SLIT2: variants seen among roughly 807,000 people sequenced by gnomAD.
SLIT2 encodes the protein slit guidance ligand 2.
SLIT2 carries 41 observed loss-of-function variants against 185.7 expected under a neutral mutation model. That is an observed-to-expected ratio of 0.22 (90% CI 0.17 to 0.29). The LOEUF (loss-of-function observed/expected upper bound fraction) is 0.29. Ranked by LOEUF, SLIT2 falls within the 10% of genes least tolerant of loss-of-function variation. SLIT2 has a pLI of 1.00. For synonymous variants in SLIT2, 693 were observed against 680.2 expected, an observed-to-expected ratio of 1.02 and a Z score of -0.29; for missense variants, 1,571 against 1,909.0, an observed-to-expected ratio of 0.82 and a Z score of 3.30.
intron 4 of SLIT2, among the ~76,000 whole-genome samples, chr4:20,353,935 G>A (rs371980251): frequency 1.5e-4 from 23 of 152,184 alleles, no homozygotes; most frequent in African/African-American, 5.3e-4. Context: ...ACATTGGAAA[G>A]AGATGGGATC....
chr4:20,373,824 T>C (rs1304595595), intron 4 of SLIT2, among the ~76,000 whole-genome samples: 3 of 152,020 alleles, frequency 2.0e-5, no homozygotes, highest in African/African-American at 4.8e-5. Context: ...GTGTAGCACA[T>C]GGAAGAGGCA....
intron 4 of SLIT2, among the ~76,000 whole-genome samples, chr4:20,321,731 C>T (rs1719105104): frequency 6.6e-6 from 1 of 152,194 alleles, no homozygotes. Flanking sequence ...ACCTTACCGC[C>T]TCATGCCCAG....
At chr4:20,350,275 C>T (rs924917416) in intron 4 of SLIT2, among the ~76,000 whole-genome samples, 2 of 151,384 alleles carry the variant, frequency 1.3e-5, no homozygotes, top group East Asian at 1.9e-4. Context: ...TCAGTGATTA[C>T]GCTTTTCTCC....
intron 4 of SLIT2, among the ~76,000 whole-genome samples, chr4:20,418,012 G>A (rs1410876355): frequency 3.9e-5 from 6 of 152,120 alleles, no homozygotes; most frequent in African/African-American, 1.2e-4. Context: ...ATGATCTTAA[G>A]GGGTTGTCCT....
At chr4:20,491,200 T>A (rs1217842795) in intron 8 of SLIT2, among the ~76,000 whole-genome samples, 2 of 152,214 alleles carry the variant, frequency 1.3e-5, no homozygotes, top group Non-Finnish European at 2.9e-5. Flanking sequence ...TTATTATGAT[T>A]TCAGATAAAT....
chr4:20,531,937 C>G (rs1721846129), intron 16 of SLIT2, 47 bp from the exon 17 acceptor site: 2 of 1,007,390 alleles, frequency 2.0e-6, no homozygotes, highest in Non-Finnish European at 3.0e-6. Flanking sequence ...TTAATCCTTT[C>G]CTAACTATTG....
intron 4 of SLIT2, among the ~76,000 whole-genome samples, chr4:20,392,524 A>G (rs1353333521): frequency 6.6e-6 from 1 of 152,124 alleles, no homozygotes; most frequent in African/African-American, 2.4e-5. Context: ...ATTTTTCTGC[A>G]ATAATAAATT....
chr4:20,336,582 A>T (rs1372285344), intron 4 of SLIT2, among the ~76,000 whole-genome samples: 2 of 152,232 alleles, frequency 1.3e-5, no homozygotes, highest in African/African-American at 4.8e-5. Flanking sequence ...CCTAATGTAG[A>T]TGATGAGTTA....
chr4:20,472,437 G>T (rs1313564290), intron 5 of SLIT2, among the ~76,000 whole-genome samples: 11 of 38,448 alleles, frequency 2.9e-4, no homozygotes, highest in South Asian at 8.1e-4. Flanking sequence ...GATATCTATA[G>T]ATATATATCT....
chr4:20,523,866 A>C lies in SLIT2; in HGVS notation c.1237A>C (p.Lys413Gln). 1 of 1,614,152 alleles carries C rather than the reference A, an allele frequency of 6.2e-7. No individual in the cohort carries two copies. The highest frequency in any genetic ancestry group is 2.2e-5 in the East Asian group (1 of 44,874). The change falls in exon 13 of 37, where the codon AAG (lysine) becomes CAG (glutamine). Residue 413 changes from lysine (K) to glutamine (Q), a missense_variant. By Grantham distance (53) the Lys-to-Gln change is moderately conservative (BLOSUM62 1). Transcript: ENST00000504154. ...TGACAACAAGCTTCAGACCATCGCCAAGGGGACCTTTTCACCTCTTCGGGC... is the reference window on the plus strand; with the variant it reads ...TGACAACAAGCTTCAGACCATCGCCCAGGGGACCTTTTCACCTCTTCGGGC... ...LYDNKLQTIAKGTFSPLRAIQ... is the reference protein window; with the variant it reads ...LYDNKLQTIAQGTFSPLRAIQ...
Position 20,528,508 on chromosome 4 carries a change from C to A in SLIT2, c.1463-441C>A, listed in dbSNP as rs1721500106. ...TGAGAGGGAGAGAATAGTAAAAAGT[C>A]CATAGAAAATTTAAAAGCCTGAGTA... On this transcript the variant is annotated intron_variant, in intron 15 of 36. Transcript: ENST00000504154. The surrounding 1 kb of genome is among the most constrained non-coding windows in gnomAD (Gnocchi z 4.2). 1 of 356,964 alleles carries A rather than the reference C, an allele frequency of 2.8e-6. No individual in the cohort carries two copies. The highest frequency in any genetic ancestry group is 5.5e-6 in the Non-Finnish European group (1 of 181,366). 22.1% of individuals were successfully genotyped at this position (356,964 alleles called of 1,614,324 possible). A position where few individuals can be genotyped will look rare whatever the true frequency, so the allele number is the denominator to read the frequency against.
At chr4:20,419,695 G>GTGTT (rs1553898845) in intron 4 of SLIT2, among the ~76,000 whole-genome samples, 63 of 151,722 alleles carry the variant, frequency 4.2e-4, no homozygotes, top group African/African-American at 1.4e-3. Context: ...GTGTGTGTGT[G>GTGTT]TGTGTGTGTG....
chr4:20,282,317 T>C (rs1714853087), intron 4 of SLIT2, among the ~76,000 whole-genome samples: 1 of 152,210 alleles, frequency 6.6e-6, no homozygotes, highest in South Asian at 2.1e-4. Context: ...AAGAACACTA[T>C]TCAAGTGTGG....
At position 20,619,269 on chromosome 4, in the gene SLIT2, A is replaced by G; in HGVS notation, c.*260A>G. The G allele has an allele frequency of 3.2e-6, 1 of 316,506 alleles. No homozygotes were observed. Among genetic ancestry groups the G allele is most frequent in the Non-Finnish European group, 5.9e-6 (1 of 170,074 alleles). The allele number at this position is 316,506 out of a possible 1,614,324, so 19.6% of individuals were successfully genotyped here. On this transcript the variant is annotated 3_prime_UTR_variant, in exon 37 of 37. Coordinates refer to ENST00000504154, the MANE Select transcript of SLIT2 (RefSeq NM_004787.4). ...TTAGAACAGCGATGGGAACCATTGC[A>G]ACTCGGGTCCATCTTTGTAACATGC...
intron 4 of SLIT2, among the ~76,000 whole-genome samples, chr4:20,294,317 C>T (rs1716259885): frequency 6.6e-6 from 1 of 151,464 alleles, no homozygotes; most frequent in African/African-American, 2.4e-5. Flanking sequence ...CCACTGCACT[C>T]CATCCTGGAT....
chr4:20,258,991 A>G (rs989759213), intron 3 of SLIT2, among the ~76,000 whole-genome samples: 1 of 151,726 alleles, frequency 6.6e-6, no homozygotes, highest in Admixed American at 6.6e-5. Flanking sequence ...CCCTTCCAAG[A>G]TATTTATAAA....
chr4:20,525,319 T>C (rs1420986259), intron 15 of SLIT2, 147 bp downstream of exon 15: 1 of 579,160 alleles, frequency 1.7e-6, no homozygotes, highest in Non-Finnish European at 3.1e-6. Flanking sequence ...CTTGTAGCTG[T>C]TTCCTGAAAT....
intron 4 of SLIT2, among the ~76,000 whole-genome samples, chr4:20,436,157 T>G (rs919986124): frequency 6.6e-6 from 1 of 152,212 alleles, no homozygotes; most frequent in African/African-American, 2.4e-5. Context: ...TTAAGTAGAT[T>G]ATCAGAAACA....
chr4:20,561,138 G>T (rs567977381), intron 26 of SLIT2, among the ~76,000 whole-genome samples: 5 of 151,784 alleles, frequency 3.3e-5, no homozygotes, highest in Non-Finnish European at 7.4e-5. Flanking sequence ...GGCCCAAAAG[G>T]GGAGGGGTCT....
Sources: allele counts gnomAD v4.1 joint callset (sites outside exome capture counted in the v4.1 genomes callset), GRCh38; gene constraint gnomAD v4.1.1; non-coding constraint Gnocchi (gnomAD v3.1); transcripts MANE v1.5; gene names NCBI Gene and HGNC (gene_info 2026-07-23, HGNC 2026-07-21).